TTN: variants seen among roughly 807,000 people sequenced by gnomAD.
TTN encodes titin, also known as connectin.
In TTN, 1,525 loss-of-function variants were observed where a neutral mutation model predicts 3,223.0. That is an observed-to-expected ratio of 0.47 (90% CI 0.45 to 0.49). The LOEUF is 0.49. Ranked by LOEUF, TTN falls within the 20% of genes least tolerant of loss-of-function variation. TTN has a pLI of 0.00. For missense variants in TTN, 40,786 were observed against 43,424.0 expected, an observed-to-expected ratio of 0.94 and a Z score of 5.40; for synonymous variants, 14,094 against 15,161.0, an observed-to-expected ratio of 0.93 and a Z score of 5.17.
chr2:178,680,179 T>A, intron 139 of TTN, 75 bp downstream of exon 139: 1 of 1,585,294 alleles, frequency 6.3e-7, no homozygotes, highest in South Asian at 1.2e-5. Context: ...ACAAAAGAAG[T>A]TTTCACACAC....
At chr2:178,597,476 T>C (rs2052020671) in intron 294 of TTN, 62 bp downstream of exon 294, 2 of 1,520,588 alleles carry the variant, frequency 1.3e-6, no homozygotes, top group Admixed American at 4.1e-5. Context: ...CAGCATAGCT[T>C]TGTGTAAATA....
In TTN at chr2:178,536,568, T is replaced by C; in HGVS notation, c.100179A>G (p.Pro33393=). ...VVIIKSPFEK[P]GAPGKPTITA... is the part of the protein sequence containing the mutation. ...TAATAGTTGGTTTGCCAGGAGCACC[T>C]GGCTTTTCTATTAAACAAAAAAAAG... The change falls in exon 357 of 363, where the codon CCA becomes CCG. Residue 33393 remains proline (P), a synonymous_variant. Transcript: ENST00000589042. 6.7e-7 allele frequency: 1 copy of C among 1,493,284 alleles called. No individual in the cohort carries two copies. The highest frequency in any genetic ancestry group is 1.4e-5 in the African/African-American group (1 of 71,442). The allele number at this position is 1,493,284 out of a possible 1,614,324, so 92.5% of individuals were successfully genotyped here.
At chr2:178,739,115 G>C (rs751027661) in intron 48 of TTN, 26 bp downstream of exon 48, 47 of 1,490,500 alleles carry the variant, frequency 3.2e-5, no homozygotes, top group Non-Finnish European at 3.9e-5. Flanking sequence ...GTTAGCATTT[G>C]ATCTATTTTA....
chr2:178,610,314 G>A lies in TTN; in HGVS notation c.51212C>T (p.Pro17071Leu). 6.2e-7 allele frequency: 1 copy of A among 1,612,852 alleles called. No homozygotes were observed. Among genetic ancestry groups the A allele is most frequent in the South Asian group, 1.1e-5 (1 of 91,040 alleles). The change falls in exon 271 of 363, where the codon CCA (proline) becomes CTA (leucine). Residue 17071 changes from proline (P) to leucine (L), a missense_variant. Coordinates refer to ENST00000589042, the MANE Select transcript of TTN (RefSeq NM_001267550.2). ...AATTGGGGTTCCACCATCAAATTCT[G>A]GAGGTTCCCAAGTTAACTTACAAGA... Reference protein sequence around the residue: ...KSSCKLTWEPPEFDGGTPILH... With the variant: ...KSSCKLTWEPLEFDGGTPILH...
At position 178,602,324 on chromosome 2, in the gene TTN, G is replaced by C; in HGVS notation, c.55078C>G (p.Pro18360Ala). 6.2e-7 allele frequency: 1 copy of C among 1,612,828 alleles called. No homozygotes were observed. Among genetic ancestry groups the C allele is most frequent in the Non-Finnish European group, 8.5e-7 (1 of 1,179,308 alleles). Residue 18360 changes from proline (P) to alanine (A), a missense_variant, in exon 283 of 363, where the codon CCA (proline) becomes GCA (alanine). Physicochemically the swap from Pro to Ala is conservative, Grantham distance 27 (BLOSUM62 -1). Coordinates refer to ENST00000589042, the MANE Select transcript of TTN (RefSeq NM_001267550.2). ...GGGATCTCCCCAGTTGTATCACTTG[G>C]TTCAGATTCACCAGCTTCATTGACA... ...KAVNEAGESE[P>A]SDTTGEIPAT...
chr2:178,772,970 C>T (rs1438786592), intron 33 of TTN, 139 bp downstream of exon 33: 4 of 1,063,118 alleles, frequency 3.8e-6, no homozygotes, highest in Non-Finnish European at 5.5e-6. Flanking sequence ...AATGGTGTTG[C>T]AAGTACTATT....
At chr2:178,702,381 A>C (rs1028353756) in intron 107 of TTN, 73 bp downstream of exon 107, 5 of 1,606,682 alleles carry the variant, frequency 3.1e-6, no homozygotes, top group Non-Finnish European at 3.4e-6. Context: ...GCATGAGCGC[A>C]TACAGGGTAG....
At position 178,568,773 on chromosome 2, in the gene TTN, C is replaced by A; in HGVS notation, c.77359G>T (p.Val25787Phe). ...ACCAGATCTTTGGCAACTATTGGAA[C>A]TGCAAGGGACCGAGGATCACTTCTC... ...KGRSDPRSLA[V>F]PIVAKDLVIE... is the part of the protein sequence containing the mutation. Residue 25787 changes from valine (V) to phenylalanine (F), a missense_variant, in exon 326 of 363, where the codon GTT (valine) becomes TTT (phenylalanine). Physicochemically the swap from Val to Phe is conservative, Grantham distance 50 (BLOSUM62 -1). Transcript: ENST00000589042. 1 of 1,612,880 alleles carries A rather than the reference C, an allele frequency of 6.2e-7. No homozygotes were observed. Among genetic ancestry groups the A allele is most frequent in the Admixed American group, 1.7e-5 (1 of 59,938 alleles).
At chr2:178,757,972 A>G (rs1306008121) in intron 44 of TTN, 56 bp from the exon 45 acceptor site, 3 of 1,486,028 alleles carry the variant, frequency 2.0e-6, no homozygotes, top group Non-Finnish European at 2.7e-6. Flanking sequence ...ACCAGAACTC[A>G]TTTGGAGTTG....
chr2:178,649,219 G>T lies in TTN; in HGVS notation c.40057+29C>A. The T allele has an allele frequency of 6.2e-6, 9 of 1,451,528 alleles. No individual in the cohort carries two copies. In the South Asian group the frequency reaches 6.7e-5, roughly 11 times the overall value. The allele number at this position is 1,451,528 out of a possible 1,614,324, so 89.9% of individuals were successfully genotyped here. A position where few individuals can be genotyped will look rare whatever the true frequency, so the allele number is the denominator to read the frequency against. On this transcript the variant is annotated intron_variant, in intron 213 of 362. Transcript: ENST00000589042. Reference sequence around the variant, plus strand: ...TTAACATGCTTAAATAGCAGTTAGAGAAATCTATTTTTTCTTCATGGTAGG... The same window carrying T: ...TTAACATGCTTAAATAGCAGTTAGATAAATCTATTTTTTCTTCATGGTAGG...
chr2:178,722,334 G>T lies in TTN; in HGVS notation c.22453C>A (p.His7485Asn), dbSNP rs1372592118. The T allele has an allele frequency of 2.5e-6, 4 of 1,613,022 alleles. No individual in the cohort carries two copies. The highest frequency in any genetic ancestry group is 2.2e-5 in the East Asian group (1 of 44,840). ...TLKILQTDLS[H>N]SGQYSCSASN... is the part of the protein sequence containing the mutation. The stretch of plus-strand genomic sequence containing the variant: ...GCTGAGCAAGAGTACTGGCCAGAGT[G>T]ACTCAAGTCAGTTTGCAAAATTTTT... The change falls in exon 77 of 363, where the codon CAC (histidine) becomes AAC (asparagine). Residue 7485 changes from histidine (H) to asparagine (N), a missense_variant. By Grantham distance (68) the His-to-Asn change is moderately conservative. Transcript: ENST00000589042.
intron 43 of TTN, 99 bp downstream of exon 43, chr2:178,764,078 C>T (rs2089897455): frequency 6.5e-7 from 1 of 1,527,100 alleles, no homozygotes; most frequent in African/African-American, 1.4e-5. Flanking sequence ...TCAAATTATG[C>T]ATGAGAGATG....
chr2:178,606,472 G>A (rs2054851768), intron 278 of TTN, among the ~76,000 whole-genome samples: 1 of 151,906 alleles, frequency 6.6e-6, no homozygotes, highest in Admixed American at 6.6e-5. Flanking sequence ...TGGGATGTCA[G>A]TGTGCATTAC....
At position 178,677,884 on chromosome 2, in the gene TTN, A is replaced by T; in HGVS notation, c.34028T>A (p.Val11343Glu). 1.2e-6 allele frequency: 2 copies of T among 1,609,470 alleles called. No homozygotes were observed. Among genetic ancestry groups the T allele is most frequent in the Non-Finnish European group, 1.7e-6 (2 of 1,178,170 alleles). Residue 11343 changes from valine (V) to glutamate (E), a missense_variant, in exon 146 of 363, where the codon GTA (valine) becomes GAA (glutamate). Transcript: ENST00000589042. ...PKKREPVPVP[V>E]ALPQEEEVLF... is the part of the protein sequence containing the mutation. ...AACTTCCTCTTCCTGAGGTAGAGCT[A>T]CAGGAACTGGAACTGGTTCACGTTT...
In TTN at chr2:178,730,656, T is replaced by C. The variant is rs576711300; in HGVS notation, c.17877A>G (p.Ile5959Met). ...SIQWFKDDQE[I>M]SASEKYKFSF... Reference sequence around the variant, plus strand: ...AGAATTTGTACTTTTCACTAGCTGATATTTCTTGGTCATCTTTGAACCACT... The same window carrying C: ...AGAATTTGTACTTTTCACTAGCTGACATTTCTTGGTCATCTTTGAACCACT... The change falls in exon 61 of 363, where the codon ATA (isoleucine) becomes ATG (methionine). Residue 5959 changes from isoleucine to methionine, a missense_variant. By Grantham distance (10) the Ile-to-Met change is conservative (BLOSUM62 1). Coordinates refer to ENST00000589042, the MANE Select transcript of TTN (RefSeq NM_001267550.2). The C allele has an allele frequency of 1.9e-6, 3 of 1,613,694 alleles. No individual in the cohort carries two copies. The highest frequency in any genetic ancestry group is 1.7e-5 in the Admixed American group (1 of 59,996).
At position 178,557,892 on chromosome 2, in the gene TTN, A is replaced by C. The variant is rs766960470; in HGVS notation, c.87462T>G (p.Ser29154Arg). ...TAGGTGGCTCCCATTTGAGAGTCACACTTTCTTCAGTTATATCACTAATAA... is the reference window on the plus strand; with the variant it reads ...TAGGTGGCTCCCATTTGAGAGTCACCCTTTCTTCAGTTATATCACTAATAA... ...PVVISDITEESVTLKWEPPKY... is the reference protein window; with the variant it reads ...PVVISDITEERVTLKWEPPKY... Residue 29154 changes from serine to arginine, a missense_variant, in exon 328 of 363, where the codon AGT (serine) becomes AGG (arginine). Coordinates refer to ENST00000589042, the MANE Select transcript of TTN (RefSeq NM_001267550.2). 6.2e-7 allele frequency: 1 copy of C among 1,613,704 alleles called. No individual in the cohort carries two copies. Among genetic ancestry groups the C allele is most frequent in the African/African-American group, 1.3e-5 (1 of 75,038 alleles).
chr2:178,694,964 CTCTCTA>C, intron 115 of TTN, 58 bp from the exon 116 acceptor site: 2 of 1,184,678 alleles, frequency 1.7e-6, no homozygotes, highest in Non-Finnish European at 2.4e-6. Flanking sequence ...AATTCTCTCT[CTCTCTA>C]TCTCTCTCTC....
intron 110 of TTN, 24 bp downstream of exon 110, chr2:178,701,504 A>C (rs1178075930): frequency 6.2e-7 from 1 of 1,604,646 alleles, no homozygotes; most frequent in South Asian, 1.1e-5. Context: ...CTCCAAGCTC[A>C]GATGTTGAGG....
At chr2:178,626,613 C>T (rs1309720768) in intron 240 of TTN, among the ~76,000 whole-genome samples, 1 of 151,800 alleles carries the variant, frequency 6.6e-6, no homozygotes, top group Admixed American at 6.6e-5. Flanking sequence ...CATGGTTAGT[C>T]ACATAATTAT....
Sources: gnomAD v4.1 joint callset for allele counts (sites outside exome capture counted in the v4.1 genomes callset) on GRCh38, gnomAD v4.1.1 for gene constraint, MANE v1.5 for transcripts, NCBI Gene and HGNC (gene_info 2026-07-23, HGNC 2026-07-21) for gene names.